Variants in IGFBP2 observed in about 807,000 individuals in gnomAD.
IGFBP2 encodes insulin like growth factor binding protein 2.
IGFBP2 carries 12 observed loss-of-function variants against 26.2 expected under a neutral mutation model. The ratio of observed to expected loss-of-function variants is 0.46; its 90% CI spans 0.29 to 0.74. The LOEUF is 0.74. Ranked by LOEUF, IGFBP2 falls within the 30% of genes least tolerant of loss-of-function variation. The probability of loss-of-function intolerance (pLI) is 0.09; values close to 1 mark genes in which losing one functional copy is unlikely to be tolerated. For synonymous variants in IGFBP2, 189 were observed against 200.6 expected (o/e 0.94, Z 0.49); for missense variants, 328 against 441.2 (o/e 0.74, Z 2.30).
chr2:216,633,935 G>T lies in IGFBP2; in HGVS notation c.412G>T (p.Glu138Ter). The T allele has an allele frequency of 6.2e-7, 1 of 1,603,616 alleles. No homozygotes were observed. The highest frequency in any genetic ancestry group is 1.3e-5 in the African/African-American group (1 of 74,892). The change falls in exon 1 of 4, where the codon GAG becomes TAG. Residue 138 changes from glutamate (E) to a stop codon, truncating the protein, a stop_gained. Coordinates refer to ENST00000233809, the MANE Select transcript of IGFBP2 (RefSeq NM_000597.3). LOFTEE classifies it high-confidence loss of function. ...CACTTGTGAGAAGCGCCGGGACGCC[G>T]AGTATGGCGCCAGCCCGGAGCAGGT... ...EGTCEKRRDA[E>*]YGASPEQVAD...
intron 2 of IGFBP2, chr2:216,661,250 G>C (rs1688639304): frequency 7.7e-6 from 2 of 259,922 alleles, no homozygotes; most frequent in Non-Finnish European, 1.5e-5. Context: ...CTATAGGCAT[G>C]CACCACCACA....
chr2:216,650,572 G>A (rs1697799825), intron 1 of IGFBP2, among the ~76,000 whole-genome samples: 1 of 152,250 alleles, frequency 6.6e-6, no homozygotes, highest in Non-Finnish European at 1.5e-5. Context: ...AAGGGCAGTA[G>A]CCTGTGCCTG....
At position 216,661,704 on chromosome 2, in the gene IGFBP2, C is replaced by T. The variant is rs1444564755; in HGVS notation, c.673-154C>T. ...CCAGCATGGCAGGGAGATCCCCGGG[C>T]AGGCTGTCAGAAGTCCCTGTGCCCC... On this transcript the variant is annotated intron_variant, in intron 2 of 3. Coordinates refer to ENST00000233809, the MANE Select transcript of IGFBP2 (RefSeq NM_000597.3). The T allele has an allele frequency of 4.8e-5, 40 of 831,300 alleles. 1 individual carries two copies. The highest frequency in any genetic ancestry group is 3.9e-4 in the South Asian group (26 of 67,162). 51.5% of individuals were successfully genotyped at this position (831,300 alleles called of 1,614,324 possible).
At chr2:216,636,455 G>T (rs1355186139) in intron 1 of IGFBP2, among the ~76,000 whole-genome samples, 1 of 152,108 alleles carries the variant, frequency 6.6e-6, no homozygotes, top group Non-Finnish European at 1.5e-5. Flanking sequence ...AAGGATGCAG[G>T]GGTGGGGGTG....
intron 1 of IGFBP2, among the ~76,000 whole-genome samples, chr2:216,641,986 C>T (rs1025745202): frequency 3.4e-5 from 5 of 146,432 alleles, no homozygotes; most frequent in Non-Finnish European, 1.5e-5. Context: ...CCATGGTGCC[C>T]GACCAGGCTT....
chr2:216,663,679 A>G lies in IGFBP2; in HGVS notation c.814-261A>G, dbSNP rs926547906. 3 of 385,692 alleles carry G rather than the reference A, an allele frequency of 7.8e-6. No individual in the cohort carries two copies. The East Asian group carries it at 1.3e-4, about 17-fold the overall frequency. 23.9% of individuals were successfully genotyped at this position (385,692 alleles called of 1,614,324 possible). ...TTCGGGTGTCCTGAATGGCCTTGCT[A>G]ATCAGAGGGGTCCCTGGGCGGGCAG... On this transcript the variant is annotated intron_variant, in intron 3 of 3. Transcript: ENST00000233809.
intron 1 of IGFBP2, among the ~76,000 whole-genome samples, chr2:216,637,459 G>C (rs927635212): frequency 2.6e-5 from 4 of 152,212 alleles, no homozygotes; most frequent in Admixed American, 2.0e-4. Context: ...GCTGCAGTTT[G>C]AGGAAGCTGC....
chr2:216,662,155 A>G lies in IGFBP2; in HGVS notation c.813+157A>G, dbSNP rs116972265. 6.9e-5 allele frequency: 57 copies of G among 825,320 alleles called. No homozygotes were observed. The East Asian group carries it at 8.3e-4, about 12-fold the overall frequency. 51.1% of individuals were successfully genotyped at this position (825,320 alleles called of 1,614,324 possible). A position where few individuals can be genotyped will look rare whatever the true frequency, so the allele number is the denominator to read the frequency against. ...CATGGGGATTGGGATGCCAGCTGCCAGGCCGGGGAGGGTGCAGCTCTTCTC... is the reference window on the plus strand; with the variant it reads ...CATGGGGATTGGGATGCCAGCTGCCGGGCCGGGGAGGGTGCAGCTCTTCTC... On this transcript the variant is annotated intron_variant, in intron 3 of 3. Transcript: ENST00000233809.
chr2:216,659,888 C>A, intron 1 of IGFBP2: 2 of 730,198 alleles, frequency 2.7e-6, no homozygotes, highest in Non-Finnish European at 2.4e-6. Context: ...CTCGGAGCAG[C>A]ACTATGGGAC....
intron 1 of IGFBP2, chr2:216,659,863 C>T (rs1021735591): frequency 1.2e-6 from 1 of 851,838 alleles, no homozygotes; most frequent in African/African-American, 1.7e-5. Flanking sequence ...GTCAGTGTGG[C>T]AGAGCTGTAG....
chr2:216,648,205 G>A (rs996042809), intron 1 of IGFBP2, among the ~76,000 whole-genome samples: 3 of 152,080 alleles, frequency 2.0e-5, no homozygotes, highest in Non-Finnish European at 4.4e-5. Context: ...CTTCCCTTGG[G>A]TTTTCCTGGC....
rs577870073 is a variant in IGFBP2 at position 216,653,829 on chromosome 2, G to A, written c.443-6728G>A. On this transcript the variant is annotated intron_variant, in intron 1 of 3. Coordinates refer to ENST00000233809, the MANE Select transcript of IGFBP2 (RefSeq NM_000597.3). The stretch of plus-strand genomic sequence containing the variant: ...TCTATATGTGAAATCCCTTGCTTCT[G>A]TGTTGACCCATTTCCCTAGGTGCTA... Among the ~76,000 whole-genome samples the A allele has an allele frequency of 4.6e-5, 7 of 152,232 alleles. No individual in the cohort carries two copies. The South Asian group carries it at 1.0e-3, about 23-fold the overall frequency.
intron 1 of IGFBP2, among the ~76,000 whole-genome samples, chr2:216,638,808 T>A (rs1262295200): frequency 6.6e-6 from 1 of 151,340 alleles, no homozygotes; most frequent in Non-Finnish European, 1.5e-5. Flanking sequence ...CACGCCATTC[T>A]CCTGCCTCAG....
chr2:216,659,485 T>TTGGGGC, intron 1 of IGFBP2: 1 of 556,490 alleles, frequency 1.8e-6, no homozygotes, highest in Non-Finnish European at 3.3e-6. Context: ...CTCCAAGGGG[T>TTGGGGC]TGGGGCTGGG....
intron 1 of IGFBP2, among the ~76,000 whole-genome samples, chr2:216,652,832 A>T (rs1054548575): frequency 6.6e-6 from 1 of 152,262 alleles, no homozygotes; most frequent in Non-Finnish European, 1.5e-5. Context: ...CTGGCCCATT[A>T]CTCAGAATTA....
At chr2:216,650,554 C>T (rs1697799421) in intron 1 of IGFBP2, among the ~76,000 whole-genome samples, 1 of 152,198 alleles carries the variant, frequency 6.6e-6, no homozygotes, top group Admixed American at 6.5e-5. Context: ...GGTGTTTTGT[C>T]ACCGTGGAAG....
intron 1 of IGFBP2, among the ~76,000 whole-genome samples, chr2:216,650,964 T>C (rs1697808444): frequency 6.6e-6 from 1 of 152,042 alleles, no homozygotes; most frequent in African/African-American, 2.4e-5. Flanking sequence ...CCTCAGGAGA[T>C]AGATGGACCA....
intron 3 of IGFBP2, 64 bp from the exon 4 acceptor site, chr2:216,663,876 G>A (rs950750728): frequency 6.4e-7 from 1 of 1,555,836 alleles, no homozygotes; most frequent in African/African-American, 1.4e-5. Flanking sequence ...TGGACGCCGG[G>A]TTGAGGGACA....
At chr2:216,645,077 C>T (rs766905606) in intron 1 of IGFBP2, among the ~76,000 whole-genome samples, 24 of 152,124 alleles carry the variant, frequency 1.6e-4, no homozygotes, top group Non-Finnish European at 2.9e-4. Flanking sequence ...GCCAAGTTGC[C>T]TCTGGGTGGT....
Sources: gnomAD v4.1 joint callset for allele counts (sites outside exome capture counted in the v4.1 genomes callset) on GRCh38, gnomAD v4.1.1 for gene constraint, MANE v1.5 for transcripts, NCBI Gene and HGNC (gene_info 2026-07-23, HGNC 2026-07-21) for gene names.